EVC2: variants seen among roughly 807,000 people sequenced by gnomAD.
EVC2 encodes the protein EvC ciliary complex subunit 2.
In EVC2, 148 loss-of-function variants were observed where a neutral mutation model predicts 149.3. The observed-to-expected ratio is 0.99, with a 90% CI of 0.87 to 1.14. The LOEUF (loss-of-function observed/expected upper bound fraction) is 1.14. EVC2 is among the 50% of genes most tolerant of loss of function. The pLI, the probability that EVC2 is intolerant of heterozygous loss-of-function variation, is 0.00. For missense variants in EVC2, 1,854 were observed against 1,627.3 expected (o/e 1.14, Z -2.40); for synonymous variants, 776 against 649.9 (o/e 1.19, Z -2.95).
At chr4:5,612,281 G>A (rs1293570784) in intron 16 of EVC2, among the ~76,000 whole-genome samples, 3 of 152,032 alleles carry the variant, frequency 2.0e-5, no homozygotes, top group South Asian at 2.1e-4. Flanking sequence ...TTTCCCAAAC[G>A]GCAATTCCCA....
chr4:5,647,715 G>A (rs1334376974), intron 9 of EVC2, among the ~76,000 whole-genome samples: 2 of 152,198 alleles, frequency 1.3e-5, no homozygotes, highest in African/African-American at 2.4e-5. Context: ...GGAGGACAGT[G>A]CCCCCGCAAA....
At chr4:5,586,972 A>G (rs1010305328) in intron 16 of EVC2, among the ~76,000 whole-genome samples, 3 of 152,360 alleles carry the variant, frequency 2.0e-5, no homozygotes, top group African/African-American at 7.2e-5. Context: ...CTTTTGGCTT[A>G]CACACATTAT....
At chr4:5,574,428 T>C (rs1423907079) in intron 19 of EVC2, among the ~76,000 whole-genome samples, 2 of 152,208 alleles carry the variant, frequency 1.3e-5, no homozygotes, top group Admixed American at 6.5e-5. Flanking sequence ...AGAAGGACAA[T>C]ATTTGGGTGC....
intron 16 of EVC2, among the ~76,000 whole-genome samples, chr4:5,591,850 T>C (rs1168274049): frequency 6.6e-6 from 1 of 152,236 alleles, no homozygotes; most frequent in Non-Finnish European, 1.5e-5. Flanking sequence ...CTGAGAATAA[T>C]ACAAATTCAT....
At chr4:5,627,782 C>T (rs1472192394) in intron 12 of EVC2, among the ~76,000 whole-genome samples, 3 of 152,118 alleles carry the variant, frequency 2.0e-5, no homozygotes, top group Admixed American at 6.5e-5. Context: ...CCAAGACAAC[C>T]ATCCCTGTAT....
intron 9 of EVC2, among the ~76,000 whole-genome samples, chr4:5,652,138 AG>A (rs1718190101): frequency 6.6e-6 from 1 of 152,172 alleles, no homozygotes; most frequent in Admixed American, 6.5e-5. Flanking sequence ...CTGGACGGTT[AG>A]GGATGGACGT....
At chr4:5,598,489 A>G (rs1244876998) in intron 16 of EVC2, among the ~76,000 whole-genome samples, 2 of 152,208 alleles carry the variant, frequency 1.3e-5, no homozygotes, top group African/African-American at 2.4e-5. Context: ...TATTTAATAA[A>G]TGGTGCTGGG....
chr4:5,655,359 G>C (rs1718446328), intron 9 of EVC2, among the ~76,000 whole-genome samples: 1 of 152,128 alleles, frequency 6.6e-6, no homozygotes, highest in South Asian at 2.1e-4. Context: ...GAGGGACCTA[G>C]ACACAGGTTA....
Position 5,665,170 on chromosome 4 carries a change from C to T in EVC2, c.1005+345G>A, listed in dbSNP as rs1719182128. 7.9e-5 allele frequency among the ~76,000 whole-genome samples: 12 copies of T among 152,028 alleles called. No homozygotes were observed. The South Asian group carries it at 2.5e-3, about 32-fold the overall frequency. The stretch of plus-strand genomic sequence containing the variant: ...AAGTTTTAAAAATGACTAAACCAGG[C>T]ATGTTGGTGTGTAGCTGCAGTCCCA... On this transcript the variant is annotated intron_variant, in intron 8 of 21. Coordinates refer to ENST00000344408, the MANE Select transcript of EVC2 (RefSeq NM_147127.5).
At chr4:5,579,167 T>C (rs1711536986) in intron 17 of EVC2, among the ~76,000 whole-genome samples, 6 of 151,802 alleles carry the variant, frequency 4.0e-5, no homozygotes. Context: ...TGCAGGGGGG[T>C]AACTAGAGTA....
chr4:5,596,221 A>C lies in EVC2; in HGVS notation c.2830-11371T>G, dbSNP rs574171358. Among the ~76,000 whole-genome samples the C allele has an allele frequency of 2.0e-5, 3 of 152,320 alleles. No homozygotes were observed. In the South Asian group the frequency reaches 6.2e-4, roughly 32 times the overall value. The stretch of plus-strand genomic sequence containing the variant: ...ACTCAGCTCTGCACCAAGCGGACCT[A>C]ACAGACATCTACAGAACTCTCCACC... On this transcript the variant is annotated intron_variant, in intron 16 of 21. Transcript: ENST00000344408.
rs77003809 is a variant in EVC2 at position 5,662,912 on chromosome 4, A to T, written c.1145+195T>A. ...CTTTCCTACTAGATCAGACTTCCTT[A>T]GAGCAGGAAGTATGTCATCTACACC... On this transcript the variant is annotated intron_variant, in intron 9 of 21. Coordinates refer to ENST00000344408, the MANE Select transcript of EVC2 (RefSeq NM_147127.5). 0.038 allele frequency among the ~76,000 whole-genome samples: 5,761 copies of T among 151,926 alleles called. 383 individuals are homozygous for T. Among genetic ancestry groups the T allele is most frequent in the African/African-American group, 0.13 (5,470 of 41,406 alleles).
At chr4:5,563,580 T>A (rs1477008274) in intron 21 of EVC2, among the ~76,000 whole-genome samples, 1 of 152,064 alleles carries the variant, frequency 6.6e-6, no homozygotes, top group East Asian at 1.9e-4. Flanking sequence ...GACTTCATGA[T>A]CCGCCCACAT....
chr4:5,609,343 C>A (rs563750639), intron 16 of EVC2, among the ~76,000 whole-genome samples: 8 of 152,304 alleles, frequency 5.3e-5, no homozygotes, highest in African/African-American at 1.9e-4. Context: ...CTGCAATTAT[C>A]CTGCAAATAA....
chr4:5,664,101 A>G (rs1416113605), intron 8 of EVC2, among the ~76,000 whole-genome samples: 2 of 152,184 alleles, frequency 1.3e-5, no homozygotes, highest in African/African-American at 4.8e-5. Flanking sequence ...GCCAGGTATT[A>G]TTTTCAGTGC....
chr4:5,594,711 C>A (rs1244245737), intron 16 of EVC2, among the ~76,000 whole-genome samples: 3 of 152,206 alleles, frequency 2.0e-5, no homozygotes, highest in African/African-American at 7.2e-5. Context: ...CGGAACAAAG[C>A]TGGAGGGAGA....
chr4:5,694,393 A>G lies in EVC2; in HGVS notation c.392T>C (p.Ile131Thr), dbSNP rs1231558503. The G allele has an allele frequency of 1.2e-6, 2 of 1,614,206 alleles. No individual in the cohort carries two copies. The highest frequency in any genetic ancestry group is 1.7e-5 in the Admixed American group (1 of 60,024). The change falls in exon 3 of 22, where the codon ATA (isoleucine) becomes ACA (threonine). Residue 131 changes from isoleucine (I) to threonine (T), a missense_variant. Transcript: ENST00000344408. ...GPWAHSLFAFIPSWPKKNLFK... is the reference protein window; with the variant it reads ...GPWAHSLFAFTPSWPKKNLFK... ...TAAGTTCTTCTTAGGCCAGGAGGGT[A>G]TAAAAGCAAATAAGGAATGAGCCCA...
At chr4:5,529,200 G>T in the EVC2 span, among the ~76,000 whole-genome samples, 1 of 152,164 alleles carries the variant, frequency 6.6e-6, no homozygotes, top group Admixed American at 6.5e-5. This position sits in a 1 kb window ranked among gnomAD's most constrained non-coding sequence, Gnocchi z 4.5. Flanking sequence ...CTGGGAGAAT[G>T]AGGCTACCTC....
chr4:5,604,061 C>T (rs780491161), intron 16 of EVC2, among the ~76,000 whole-genome samples: 2 of 152,198 alleles, frequency 1.3e-5, no homozygotes, highest in Non-Finnish European at 2.9e-5. Flanking sequence ...CTTTCTGAGA[C>T]TCAGTATTCT....
Sources: gnomAD v4.1 joint callset for allele counts (sites outside exome capture counted in the v4.1 genomes callset) on GRCh38, gnomAD v4.1.1 for gene constraint, Gnocchi (gnomAD v3.1) non-coding constraint, MANE v1.5 for transcripts, NCBI Gene and HGNC (gene_info 2026-07-23, HGNC 2026-07-21) for gene names.